Variants in ERBB4 observed in about 807,000 individuals in gnomAD.
ERBB4 encodes the protein receptor tyrosine-protein kinase erbB-4.
In ERBB4, 42 loss-of-function variants were observed where a neutral mutation model predicts 158.0. The observed-to-expected ratio is 0.27, with a 90% CI of 0.21 to 0.34. ERBB4 has a LOEUF of 0.34. Among genes scored for constraint, ERBB4 ranks in the 10% least tolerant of loss-of-function variants. The pLI is 1.00. For synonymous variants in ERBB4, 583 were observed against 558.7 expected (o/e 1.04, Z -0.61); for missense variants, 1,333 against 1,624.1 (o/e 0.82, Z 3.08).
intron 1 of ERBB4, among the ~76,000 whole-genome samples, chr2:212,497,960 T>C (rs2106227556): frequency 6.6e-6 from 1 of 152,338 alleles, no homozygotes; most frequent in East Asian, 1.9e-4. Flanking sequence ...TAACAATAAA[T>C]TGGCACTGTT....
intron 16 of ERBB4, among the ~76,000 whole-genome samples, chr2:211,635,317 A>G (rs73988623): frequency 0.027 from 4,120 of 152,324 alleles, 196 homozygotes; most frequent in African/African-American, 0.094. Context: ...GAATTTTGCT[A>G]ATTTATTTAA....
chr2:211,398,171 A>C (rs999176457), intron 25 of ERBB4, among the ~76,000 whole-genome samples: 1 of 152,106 alleles, frequency 6.6e-6, no homozygotes, highest in Non-Finnish European at 1.5e-5. Context: ...CAAATATCTT[A>C]GTGTTATCTT....
At chr2:212,047,772 C>A (rs1434664607) in intron 2 of ERBB4, among the ~76,000 whole-genome samples, 2 of 151,946 alleles carry the variant, frequency 1.3e-5, no homozygotes, top group Admixed American at 6.6e-5. Context: ...GCATGAGCCA[C>A]CGTGCCCAGC....
intron 1 of ERBB4, among the ~76,000 whole-genome samples, chr2:212,489,825 C>T (rs1006091034): frequency 6.6e-6 from 1 of 151,674 alleles, no homozygotes; most frequent in African/African-American, 2.4e-5. Flanking sequence ...AAGAAACTGT[C>T]TAATAATATA....
intron 22 of ERBB4, 25 bp from the exon 23 acceptor site, chr2:211,424,326 T>C (rs1420576875): frequency 6.4e-7 from 1 of 1,574,256 alleles, no homozygotes; most frequent in Non-Finnish European, 8.7e-7. Flanking sequence ...AAATTCTTAC[T>C]TAAGCATATT....
intron 2 of ERBB4, among the ~76,000 whole-genome samples, chr2:212,042,005 C>T (rs966605979): frequency 1.1e-4 from 16 of 152,006 alleles, no homozygotes; most frequent in African/African-American, 3.9e-4. Context: ...GCTCTTGTTC[C>T]TCTTTGCCAA....
chr2:212,404,948 C>T (rs142615011), intron 1 of ERBB4, among the ~76,000 whole-genome samples: 129 of 152,138 alleles, frequency 8.5e-4, no homozygotes, highest in African/African-American at 3.0e-3. Context: ...TAATAGCCTC[C>T]AGCTCCATCC....
chr2:212,230,788 A>G (rs1416518165), intron 1 of ERBB4, among the ~76,000 whole-genome samples: 1 of 152,190 alleles, frequency 6.6e-6, no homozygotes, highest in South Asian at 2.1e-4. Context: ...GTTATAATAC[A>G]AAAGTTTTTC....
intron 2 of ERBB4, among the ~76,000 whole-genome samples, chr2:212,108,037 G>C (rs540606741): frequency 7.9e-5 from 12 of 152,158 alleles, no homozygotes; most frequent in African/African-American, 2.4e-4. Flanking sequence ...TTTTACAAAA[G>C]AAAACAAGAA....
intron 20 of ERBB4, among the ~76,000 whole-genome samples, chr2:211,498,946 G>A (rs1253986510): frequency 6.6e-6 from 1 of 152,106 alleles, no homozygotes; most frequent in South Asian, 2.1e-4. Flanking sequence ...CACAGATGAG[G>A]AACAGAAGGG....
In ERBB4 at chr2:211,689,767, A is replaced by G. The variant is rs574951039; in HGVS notation, c.1490-10583T>C. 1.6e-4 allele frequency among the ~76,000 whole-genome samples: 25 copies of G among 152,098 alleles called. No individual in the cohort carries two copies. The South Asian group carries it at 5.0e-3, about 30-fold the overall frequency. On this transcript the variant is annotated intron_variant, in intron 12 of 27. Coordinates refer to ENST00000342788, the MANE Select transcript of ERBB4 (RefSeq NM_005235.3). ...TATCAAGTATCTCATTTTCTGACAT[A>G]TATCGTTATATACAGTGTTTACATA...
At chr2:212,336,808 C>A (rs914146863) in intron 1 of ERBB4, among the ~76,000 whole-genome samples, 1 of 146,462 alleles carries the variant, frequency 6.8e-6, no homozygotes, top group African/African-American at 2.5e-5. Flanking sequence ...AAGTTTTCCT[C>A]AGGTCAGACA....
At chr2:211,850,931 AG>A (rs1354625593) in intron 3 of ERBB4, among the ~76,000 whole-genome samples, 1 of 151,996 alleles carries the variant, frequency 6.6e-6, no homozygotes, top group Non-Finnish European at 1.5e-5. Flanking sequence ...TATATGTATC[AG>A]GTTTAAGGCA....
chr2:211,732,861 C>T (rs939060716), intron 5 of ERBB4, among the ~76,000 whole-genome samples: 5 of 152,188 alleles, frequency 3.3e-5, no homozygotes, highest in Non-Finnish European at 5.9e-5. Context: ...CCTGTAATCC[C>T]AGCTACTCAG....
chr2:212,537,713 G>C (rs942656284), intron 1 of ERBB4, among the ~76,000 whole-genome samples: 1 of 151,982 alleles, frequency 6.6e-6, no homozygotes, highest in Non-Finnish European at 1.5e-5. Context: ...GGCAACCGAC[G>C]GGAAGGCCGG....
chr2:212,355,728 T>C (rs2089438738), intron 1 of ERBB4, among the ~76,000 whole-genome samples: 2 of 152,002 alleles, frequency 1.3e-5, no homozygotes, highest in Admixed American at 6.6e-5. Flanking sequence ...TTAAAGGGTA[T>C]ATGTTATATT....
rs144751991 is a variant in ERBB4 at position 211,674,527 on chromosome 2, G to A, written c.1623-1270C>T. Among the ~76,000 whole-genome samples the A allele has an allele frequency of 1.9e-3, 285 of 152,120 alleles. 1 individual carries two copies. The highest frequency in any genetic ancestry group is 6.4e-3 in the African/African-American group (267 of 41,528). Reference sequence around the variant, plus strand: ...AAATGCACATATATTGAGTTACATGGATTATGCATTTTATAAAGTGAGATA... The same window carrying A: ...AAATGCACATATATTGAGTTACATGAATTATGCATTTTATAAAGTGAGATA... On this transcript the variant is annotated intron_variant, in intron 13 of 27. Coordinates refer to ENST00000342788, the MANE Select transcript of ERBB4 (RefSeq NM_005235.3).
At chr2:211,925,072 T>C (rs2079979640) in intron 3 of ERBB4, among the ~76,000 whole-genome samples, 1 of 152,166 alleles carries the variant, frequency 6.6e-6, no homozygotes, top group South Asian at 2.1e-4. Flanking sequence ...CATCACGTAA[T>C]CAATGAGTCT....
chr2:212,141,438 A>T (rs1010399668), intron 1 of ERBB4, among the ~76,000 whole-genome samples: 4 of 152,042 alleles, frequency 2.6e-5, no homozygotes, highest in African/African-American at 9.7e-5. Flanking sequence ...TAAAAATAAC[A>T]CTTCTTAGAA....
Sources: allele counts gnomAD v4.1 joint callset (sites outside exome capture counted in the v4.1 genomes callset), GRCh38; gene constraint gnomAD v4.1.1; transcripts MANE v1.5; gene names NCBI Gene and HGNC (gene_info 2026-07-23, HGNC 2026-07-21).